The following ALDH1L1 variants were observed in gnomAD, a reference collection of about 807,000 sequenced individuals.
The protein encoded by ALDH1L1 is aldehyde dehydrogenase 1 family member L1.
Under a neutral mutation model 101.1 loss-of-function variants are expected in ALDH1L1, and 68 were observed. That is an observed-to-expected ratio of 0.67 (90% confidence interval 0.55 to 0.82). The LOEUF is 0.82. ALDH1L1 is among the 40% of genes least tolerant of loss of function. The pLI, the probability that ALDH1L1 is intolerant of heterozygous loss-of-function variation, is 0.00. For missense variants in ALDH1L1, 1,087 were observed against 1,172.7 expected, an observed-to-expected ratio of 0.93 and a Z score of 1.07; for synonymous variants, 486 against 470.8, an observed-to-expected ratio of 1.03 and a Z score of -0.42.
intron 19 of ALDH1L1, among the ~76,000 whole-genome samples, chr3:126,111,732 C>T (rs1020825673): frequency 6.6e-6 from 1 of 152,208 alleles, no homozygotes. Flanking sequence ...TTCCCAGGTA[C>T]CATCTCTCTG....
intron 14 of ALDH1L1, chr3:126,129,967 T>G: frequency 3.1e-6 from 1 of 319,482 alleles, no homozygotes; most frequent in Non-Finnish European, 5.7e-6. Context: ...ACCATACCCA[T>G]TTTGGACATT....
At chr3:126,106,272 T>C (rs1316740018) in intron 21 of ALDH1L1, among the ~76,000 whole-genome samples, 1 of 152,256 alleles carries the variant, frequency 6.6e-6, no homozygotes, top group South Asian at 2.1e-4. Flanking sequence ...ATCAGCGATT[T>C]GGAGACTTAC....
rs560662956 is a variant in ALDH1L1 at position 126,158,212 on chromosome 3, G to T, written c.362+193C>A. On this transcript the variant is annotated intron_variant, in intron 3 of 22. Coordinates refer to ENST00000393434, the MANE Select transcript of ALDH1L1 (RefSeq NM_012190.4). The stretch of plus-strand genomic sequence containing the variant: ...GTGCTTAGCAACACCTGCTCCCAGT[G>T]CTCTAGAGCCTTCACTCATTGATAA... Among the ~76,000 whole-genome samples, 6 of 152,298 alleles carry T rather than the reference G, an allele frequency of 3.9e-5. No homozygotes were observed. In the South Asian group the frequency reaches 6.2e-4, roughly 16 times the overall value.
At chr3:126,125,775 G>A in intron 14 of ALDH1L1, 54 bp from the exon 15 acceptor site, 1 of 1,300,550 alleles carries the variant, frequency 7.7e-7, no homozygotes, top group South Asian at 1.8e-5. Context: ...GGCCCACAGT[G>A]GACCTGCCAA....
upstream of ALDH1L1, among the ~76,000 whole-genome samples, chr3:126,183,341 A>G (rs2081491926): frequency 6.6e-6 from 1 of 152,208 alleles, no homozygotes; most frequent in Non-Finnish European, 1.5e-5. Flanking sequence ...TATGAGCAAA[A>G]CAGTGTAGAC....
chr3:126,171,161 G>A (rs906049417), intron 1 of ALDH1L1, among the ~76,000 whole-genome samples: 4 of 152,316 alleles, frequency 2.6e-5, no homozygotes, highest in Non-Finnish European at 4.4e-5. Flanking sequence ...AGCCAGGCGT[G>A]GTGGCGCATG....
intron 1 of ALDH1L1, among the ~76,000 whole-genome samples, chr3:126,188,764 T>A (rs1478725757): frequency 6.6e-6 from 1 of 152,172 alleles, no homozygotes; most frequent in Non-Finnish European, 1.5e-5. Context: ...CATTTAAAAA[T>A]TTTTGAAAGA....
At chr3:126,110,824 C>T (rs917922904) in intron 19 of ALDH1L1, among the ~76,000 whole-genome samples, 2 of 152,204 alleles carry the variant, frequency 1.3e-5, no homozygotes. Context: ...CCAAACCGCA[C>T]CCCGATCAAA....
At chr3:126,175,949 AAGC>A (rs558820101) in intron 1 of ALDH1L1, among the ~76,000 whole-genome samples, 272 of 152,318 alleles carry the variant, frequency 1.8e-3, no homozygotes, top group African/African-American at 6.3e-3. Flanking sequence ...AATGCCAACA[AAGC>A]AACAGAAAAC....
At chr3:126,157,650 G>A in intron 3 of ALDH1L1, 142 bp from the exon 4 acceptor site, 1 of 897,374 alleles carries the variant, frequency 1.1e-6, no homozygotes, top group South Asian at 1.8e-5. Flanking sequence ...GCGGGAAACG[G>A]AAGAAGGAAA....
At chr3:126,118,696 G>A (rs2080023030) in intron 16 of ALDH1L1, among the ~76,000 whole-genome samples, 1 of 152,150 alleles carries the variant, frequency 6.6e-6, no homozygotes, top group South Asian at 2.1e-4. Context: ...TTCAGCTCTT[G>A]CAGGGGCTCG....
At chr3:126,139,986 T>A (rs749207771) in intron 9 of ALDH1L1, among the ~76,000 whole-genome samples, 1 of 152,118 alleles carries the variant, frequency 6.6e-6, no homozygotes, top group Non-Finnish European at 1.5e-5. Context: ...TCTCTAAATA[T>A]GTATTTGAAG....
chr3:126,138,747 A>G (rs1559942659), intron 9 of ALDH1L1, among the ~76,000 whole-genome samples: 2 of 152,212 alleles, frequency 1.3e-5, no homozygotes, highest in Non-Finnish European at 2.9e-5. Flanking sequence ...AGAATTAAAC[A>G]TACTTCCTAT....
intron 1 of ALDH1L1, among the ~76,000 whole-genome samples, chr3:126,162,729 T>C (rs2081086754): frequency 6.6e-6 from 1 of 152,214 alleles, no homozygotes. Context: ...CCTTTATGTT[T>C]AGTGGTTCTT....
intron 17 of ALDH1L1, 139 bp downstream of exon 17, chr3:126,117,866 T>G (rs2080002428): frequency 3.6e-6 from 3 of 834,946 alleles, no homozygotes; most frequent in African/African-American, 1.7e-5. Flanking sequence ...TCTTCAGCGT[T>G]TGCATAGAGC....
At chr3:126,174,094 A>G (rs143626471) in intron 1 of ALDH1L1, among the ~76,000 whole-genome samples, 2,152 of 152,296 alleles carry the variant, frequency 0.014, 36 homozygotes, top group African/African-American at 0.049. Context: ...GCTGGAGTGC[A>G]GTGGCACGAT....
intron 1 of ALDH1L1, among the ~76,000 whole-genome samples, chr3:126,187,310 C>T (rs1468978894): frequency 6.7e-6 from 1 of 149,658 alleles, no homozygotes; most frequent in Non-Finnish European, 1.5e-5. Context: ...GCTTGAACAG[C>T]ATCATAACCA....
chr3:126,155,807 A>C, intron 4 of ALDH1L1: 20 of 215,696 alleles, frequency 9.3e-5, no homozygotes, highest in East Asian at 2.1e-4. Context: ...ACAGACACAA[A>C]TGTCCATGTT....
upstream of ALDH1L1, among the ~76,000 whole-genome samples, chr3:126,182,810 C>T (rs946908306): frequency 6.6e-6 from 1 of 152,048 alleles, no homozygotes; most frequent in Non-Finnish European, 1.5e-5. Flanking sequence ...AGAAAGTGTT[C>T]CGAAATCATG....
Sources: gnomAD v4.1 joint callset for allele counts (sites outside exome capture counted in the v4.1 genomes callset) on GRCh38, gnomAD v4.1.1 for gene constraint, MANE v1.5 for transcripts, NCBI Gene and HGNC (gene_info 2026-07-23, HGNC 2026-07-21) for gene names.